GPR176: variants seen among roughly 807,000 people sequenced by gnomAD.
GPR176 encodes the protein G-protein coupled receptor 176.
A neutral mutation model predicts 35.4 loss-of-function variants in GPR176; 26 were observed. The observed-to-expected ratio is 0.74, with a 90% CI of 0.54 to 1.02. The LOEUF (loss-of-function observed/expected upper bound fraction) is 1.02. GPR176 is among the 50% of genes least tolerant of loss of function. The pLI, the probability that GPR176 is intolerant of heterozygous loss-of-function variation, is 0.00. For missense variants in GPR176, 597 were observed against 665.3 expected (o/e 0.90, Z 1.13); for synonymous variants, 278 against 271.3 (o/e 1.02, Z -0.24).
chr15:39,859,269 T>A (rs7164392), intron 1 of GPR176, among the ~76,000 whole-genome samples: 1 of 151,918 alleles, frequency 6.6e-6, no homozygotes, highest in African/African-American at 2.4e-5. Context: ...TATGTATATA[T>A]GTTATATGTA....
Position 39,851,705 on chromosome 15 carries a change from T to C in GPR176, c.173-44447A>G, listed in dbSNP as rs183798305. The stretch of plus-strand genomic sequence containing the variant: ...AGTGGGCTGCAGCCCCTGGTTGTCA[T>C]AGCGACTGCAATTTCACGCACCAAA... On this transcript the variant is annotated intron_variant, in intron 1 of 2. Coordinates refer to ENST00000561100, the MANE Select transcript of GPR176 (RefSeq NM_007223.3). Among the ~76,000 whole-genome samples, 7 of 152,348 alleles carry C rather than the reference T, an allele frequency of 4.6e-5. No homozygotes were observed. The East Asian group carries it at 1.2e-3, about 25-fold the overall frequency.
chr15:39,917,322 G>C (rs990427087), intron 1 of GPR176, among the ~76,000 whole-genome samples: 2 of 151,296 alleles, frequency 1.3e-5, no homozygotes, highest in Admixed American at 1.3e-4. Flanking sequence ...CAGGTATACA[G>C]GGCAATGTTG....
intron 2 of GPR176, among the ~76,000 whole-genome samples, chr15:39,802,895 AATC>A (rs1898973214): frequency 6.6e-6 from 1 of 152,252 alleles, no homozygotes; most frequent in African/African-American, 2.4e-5. Flanking sequence ...CTCCCATGAT[AATC>A]ACTCAGTAAC....
At chr15:39,890,708 C>T (rs931109618) in intron 1 of GPR176, among the ~76,000 whole-genome samples, 1 of 152,152 alleles carries the variant, frequency 6.6e-6, no homozygotes, top group Non-Finnish European at 1.5e-5. Context: ...ACAAAGGAAC[C>T]CTTACTGACT....
At chr15:39,845,911 A>C (rs2030388650) in intron 1 of GPR176, among the ~76,000 whole-genome samples, 1 of 152,182 alleles carries the variant, frequency 6.6e-6, no homozygotes, top group East Asian at 1.9e-4. Context: ...AAAAAGGCCA[A>C]TGTACCTGAA....
At chr15:39,823,759 A>C (rs1344149198) in intron 1 of GPR176, among the ~76,000 whole-genome samples, 1 of 152,234 alleles carries the variant, frequency 6.6e-6, no homozygotes, top group East Asian at 1.9e-4. Context: ...TGTGAGAATT[A>C]GGAAAGCTGT....
At chr15:39,855,477 CT>C (rs1490308678) in intron 1 of GPR176, among the ~76,000 whole-genome samples, 1 of 152,188 alleles carries the variant, frequency 6.6e-6, no homozygotes, top group African/African-American at 2.4e-5. Flanking sequence ...CAAGCATCCC[CT>C]GCCACTAGTG....
At chr15:39,805,510 A>C (rs941540552) in intron 2 of GPR176, among the ~76,000 whole-genome samples, 1 of 152,014 alleles carries the variant, frequency 6.6e-6, no homozygotes, top group African/African-American at 2.4e-5. Flanking sequence ...CCGAGTCTAG[A>C]TTCCTACAAA....
At chr15:39,883,245 G>A (rs1466891095) in intron 1 of GPR176, among the ~76,000 whole-genome samples, 1 of 151,570 alleles carries the variant, frequency 6.6e-6, no homozygotes, top group Non-Finnish European at 1.5e-5. Flanking sequence ...TTCTATTTTG[G>A]TAAAATAATG....
chr15:39,811,598 C>A (rs1899550131), intron 1 of GPR176, among the ~76,000 whole-genome samples: 1 of 152,142 alleles, frequency 6.6e-6, no homozygotes. Flanking sequence ...ATGAGCATTT[C>A]ATTTGAGCAT....
chr15:39,904,187 A>T (rs905537793), intron 1 of GPR176, among the ~76,000 whole-genome samples: 2 of 152,104 alleles, frequency 1.3e-5, no homozygotes, highest in South Asian at 2.1e-4. Context: ...TTTTATCAGC[A>T]AGGTCTTTAT....
At chr15:39,809,924 T>C (rs1053095313) in intron 1 of GPR176, among the ~76,000 whole-genome samples, 12 of 152,096 alleles carry the variant, frequency 7.9e-5, no homozygotes, top group Non-Finnish European at 1.0e-4. Context: ...GGCGGGCGGA[T>C]CACGAGGTCA....
intron 1 of GPR176, among the ~76,000 whole-genome samples, chr15:39,886,237 A>C (rs2032670275): frequency 6.6e-6 from 1 of 152,140 alleles, no homozygotes; most frequent in African/African-American, 2.4e-5. Flanking sequence ...CTGTCTCAAA[A>C]AAAAAAAGAA....
chr15:39,825,897 G>C (rs1595454811), intron 1 of GPR176, among the ~76,000 whole-genome samples: 1 of 152,122 alleles, frequency 6.6e-6, no homozygotes, highest in South Asian at 2.1e-4. Flanking sequence ...TTTTCCAAAT[G>C]CATTACTATA....
At chr15:39,893,433 T>C (rs2032950145) in intron 1 of GPR176, among the ~76,000 whole-genome samples, 1 of 151,974 alleles carries the variant, frequency 6.6e-6, no homozygotes, top group African/African-American at 2.4e-5. Context: ...AGGTCACAGA[T>C]CAACAGGATC....
At chr15:39,915,683 T>C (rs991073056) in intron 1 of GPR176, among the ~76,000 whole-genome samples, 1 of 152,122 alleles carries the variant, frequency 6.6e-6, no homozygotes, top group African/African-American at 2.4e-5. Context: ...AAGACCATCC[T>C]GGCCAACTTG....
intron 1 of GPR176, chr15:39,860,861 C>T (rs1055619912): frequency 6.6e-6 from 1 of 152,182 alleles, no homozygotes; most frequent in Non-Finnish European, 1.5e-5. Flanking sequence ...TAATATGGTG[C>T]TGGGCGCCTT....
rs368821476 is a variant in GPR176, at chr15:39,826,867, T to C, written c.173-19609A>G. ...TGTATCCTAATGAAATGGGGAAAAA[T>C]GCAAAAAACTTTCCACCACTGCTTG... On this transcript the variant is annotated intron_variant, in intron 1 of 2. Coordinates refer to ENST00000561100, the MANE Select transcript of GPR176 (RefSeq NM_007223.3). Among the ~76,000 whole-genome samples, 121 of 151,992 alleles carry C rather than the reference T, an allele frequency of 8.0e-4. 2 individuals carry two copies. The South Asian group carries it at 0.025, about 31-fold the overall frequency.
chr15:39,870,423 G>A (rs1233524869), intron 1 of GPR176, among the ~76,000 whole-genome samples: 2 of 152,188 alleles, frequency 1.3e-5, no homozygotes, highest in African/African-American at 4.8e-5. Context: ...AAAAGGGAAT[G>A]ACATCATTTA....
Sources: gnomAD v4.1 joint callset for allele counts (sites outside exome capture counted in the v4.1 genomes callset) on GRCh38, gnomAD v4.1.1 for gene constraint, MANE v1.5 for transcripts, NCBI Gene and HGNC (gene_info 2026-07-23, HGNC 2026-07-21) for gene names.